RBFOX1: variants seen among roughly 807,000 people sequenced by gnomAD.
RBFOX1 encodes RNA binding fox-1 homolog 1.
In RBFOX1, 8 loss-of-function variants were observed where a neutral mutation model predicts 57.7. The ratio of observed to expected loss-of-function variants is 0.14; its 90% CI spans 0.08 to 0.25. RBFOX1 has a LOEUF of 0.25. Ranked by LOEUF, RBFOX1 falls within the 10% of genes least tolerant of loss-of-function variation. RBFOX1 has a pLI of 1.00. For synonymous variants in RBFOX1, 326 were observed against 222.4 expected (o/e 1.47, Z -4.15); for missense variants, 611 against 548.5 (o/e 1.11, Z -1.14).
intron 1 of RBFOX1, among the ~76,000 whole-genome samples, chr16:6,184,855 C>T (rs2097095026): frequency 6.6e-6 from 1 of 152,108 alleles, no homozygotes; most frequent in South Asian, 2.1e-4. Flanking sequence ...GCATGAGCCA[C>T]CGCTTCTGGT....
At chr16:5,874,491 G>A (rs1466347086) in intron 4 of RBFOX1, among the ~76,000 whole-genome samples, 1 of 152,092 alleles carries the variant, frequency 6.6e-6, no homozygotes, top group Non-Finnish European at 1.5e-5. Flanking sequence ...TGATTGGACT[G>A]AGCAGAGATA....
intron 3 of RBFOX1, among the ~76,000 whole-genome samples, chr16:5,817,376 A>G (rs2151795892): frequency 6.6e-6 from 1 of 152,306 alleles, no homozygotes; most frequent in South Asian, 2.1e-4. Flanking sequence ...TCTCACTGAT[A>G]TCCCATTCGT....
chr16:6,107,781 A>T (rs925660358), intron 1 of RBFOX1, among the ~76,000 whole-genome samples: 5 of 151,844 alleles, frequency 3.3e-5, no homozygotes, highest in African/African-American at 1.2e-4. Flanking sequence ...GGATGGATGG[A>T]TGGGTGGATG....
rs867467908 is a variant in RBFOX1 at position 6,210,353 on chromosome 16, A to C, written c.-126-106642A>C. ...ACAAAAAAACAAAAAAACAAAAAAA[A>C]AAAACACCAAAAAAAAAAAAAAAAA... On this transcript the variant is annotated intron_variant, in intron 1 of 15. Coordinates refer to ENST00000550418, the MANE Select transcript of RBFOX1 (RefSeq NM_018723.4). Among the ~76,000 whole-genome samples the C allele has an allele frequency of 3.5e-4, 34 of 96,726 alleles. 1 individual carries two copies. Among genetic ancestry groups the C allele is most frequent in the African/African-American group, 9.6e-4 (32 of 33,366 alleles). 63.5% of individuals were successfully genotyped at this position (96,726 alleles called of 152,430 possible). A position where few individuals can be genotyped will look rare whatever the true frequency, so the allele number is the denominator to read the frequency against.
intron 1 of RBFOX1, among the ~76,000 whole-genome samples, chr16:6,238,681 C>CT (rs1425179911): frequency 4.6e-5 from 7 of 152,090 alleles, no homozygotes; most frequent in African/African-American, 1.4e-4. Flanking sequence ...CAGCTTTATG[C>CT]TTTTTTTATT....
chr16:7,666,540 GTCT>G (rs2069346120), intron 13 of RBFOX1, among the ~76,000 whole-genome samples: 1 of 152,114 alleles, frequency 6.6e-6, no homozygotes, highest in South Asian at 2.1e-4. Flanking sequence ...TCAAATTGGT[GTCT>G]TCTTGGCCTC....
chr16:5,481,765 G>A (rs2069551464), intron 2 of RBFOX1, among the ~76,000 whole-genome samples: 1 of 152,182 alleles, frequency 6.6e-6, no homozygotes, highest in Admixed American at 6.5e-5. Flanking sequence ...ATGAGACCAA[G>A]GTGTCAGCAT....
At chr16:5,803,458 C>G (rs1471628175) in intron 3 of RBFOX1, among the ~76,000 whole-genome samples, 1 of 152,126 alleles carries the variant, frequency 6.6e-6, no homozygotes, top group Non-Finnish European at 1.5e-5. Flanking sequence ...TTAACATGGC[C>G]CAGCTTCTGT....
chr16:7,409,855 G>A (rs913167525), intron 4 of RBFOX1, among the ~76,000 whole-genome samples: 23 of 152,142 alleles, frequency 1.5e-4, no homozygotes, highest in Non-Finnish European at 2.9e-4. Context: ...CAGAGGCTGG[G>A]CAATGAAGAA....
chr16:5,332,185 G>T (rs2064774202), intron 1 of RBFOX1, among the ~76,000 whole-genome samples: 1 of 152,070 alleles, frequency 6.6e-6, no homozygotes, highest in South Asian at 2.1e-4. Context: ...TTTATTTATT[G>T]TTTCTTTTAT....
chr16:7,429,430 C>A (rs2098656898), intron 4 of RBFOX1, among the ~76,000 whole-genome samples: 1 of 152,228 alleles, frequency 6.6e-6, no homozygotes, highest in Admixed American at 6.5e-5. Flanking sequence ...GTGATCCTGC[C>A]CAGCCAACTT....
At chr16:6,134,860 T>C (rs1405697086) in intron 1 of RBFOX1, among the ~76,000 whole-genome samples, 1 of 151,860 alleles carries the variant, frequency 6.6e-6, no homozygotes, top group Non-Finnish European at 1.5e-5. Context: ...TTTTTATTAT[T>C]ATACTTTAAG....
At chr16:5,577,997 G>C (rs2046526325) in intron 2 of RBFOX1, among the ~76,000 whole-genome samples, 1 of 152,158 alleles carries the variant, frequency 6.6e-6, no homozygotes, top group African/African-American at 2.4e-5. Flanking sequence ...CTGTTGCCAG[G>C]CTGGGGTACA....
chr16:5,530,109 G>A (rs2044406642), intron 2 of RBFOX1, among the ~76,000 whole-genome samples: 1 of 152,120 alleles, frequency 6.6e-6, no homozygotes. Context: ...TCAGGCTATG[G>A]CACTTTGCTA....
chr16:6,143,254 A>G (rs1179532677), intron 1 of RBFOX1, among the ~76,000 whole-genome samples: 3 of 152,230 alleles, frequency 2.0e-5, no homozygotes, highest in Non-Finnish European at 4.4e-5. Flanking sequence ...TTCTATGGAA[A>G]CAGAGTTGAG....
intron 3 of RBFOX1, among the ~76,000 whole-genome samples, chr16:6,948,237 G>A (rs1285839781): frequency 6.6e-6 from 1 of 151,914 alleles, no homozygotes; most frequent in Non-Finnish European, 1.5e-5. Context: ...TTCAAGACCA[G>A]CCTGGGCAAT....
At chr16:6,554,647 C>G (rs1312226097) in intron 2 of RBFOX1, among the ~76,000 whole-genome samples, 3 of 152,104 alleles carry the variant, frequency 2.0e-5, no homozygotes, top group African/African-American at 7.2e-5. Flanking sequence ...TTGTACTCTC[C>G]TGATTTGTGC....
chr16:6,059,218 A>G (rs2152455442), intron 1 of RBFOX1: 1 of 152,306 alleles, frequency 6.6e-6, no homozygotes, highest in Non-Finnish European at 1.5e-5. Flanking sequence ...GTCTTTTGGA[A>G]ATGAAGGTGG....
At chr16:6,208,043 T>G (rs1282539319) in intron 1 of RBFOX1, among the ~76,000 whole-genome samples, 5 of 152,206 alleles carry the variant, frequency 3.3e-5, no homozygotes, top group Admixed American at 3.3e-4. Flanking sequence ...CATATATATG[T>G]GTATATATAT....
Sources: allele counts gnomAD v4.1 joint callset (sites outside exome capture counted in the v4.1 genomes callset), GRCh38; gene constraint gnomAD v4.1.1; transcripts MANE v1.5; gene names NCBI Gene and HGNC (gene_info 2026-07-23, HGNC 2026-07-21).